Variants in FBXL17 observed in about 807,000 individuals in gnomAD.
FBXL17 encodes the protein F-box/LRR-repeat protein 17.
FBXL17 carries 22 observed loss-of-function variants against 66.2 expected under a neutral mutation model. The ratio of observed to expected loss-of-function variants is 0.33; its 90% CI spans 0.24 to 0.47. The LOEUF (loss-of-function observed/expected upper bound fraction) is 0.47. Ranked by LOEUF, FBXL17 falls within the 20% of genes least tolerant of loss-of-function variation. FBXL17 has a pLI of 1.00. For synonymous variants in FBXL17, 474 were observed against 400.5 expected (o/e 1.18, Z -2.19); for missense variants, 878 against 948.2 (o/e 0.93, Z 0.97).
At chr5:107,868,676 C>T (rs192359909) in intron 8 of FBXL17, among the ~76,000 whole-genome samples, 4 of 152,334 alleles carry the variant, frequency 2.6e-5, no homozygotes, top group African/African-American at 4.8e-5. Flanking sequence ...CCACCAACAG[C>T]GAAGCCCAAG....
chr5:108,190,063 T>C (rs1052962389), intron 5 of FBXL17, among the ~76,000 whole-genome samples: 18 of 152,202 alleles, frequency 1.2e-4, no homozygotes, highest in African/African-American at 4.1e-4. Flanking sequence ...ATGATAAATG[T>C]ACATTGTTTT....
At chr5:108,307,700 T>C (rs905459118) in intron 4 of FBXL17, among the ~76,000 whole-genome samples, 6 of 152,124 alleles carry the variant, frequency 3.9e-5, no homozygotes, top group African/African-American at 1.4e-4. Flanking sequence ...CAAAGGTACT[T>C]TGCTGCTATG....
At chr5:108,078,157 C>A (rs898250649) in intron 6 of FBXL17, among the ~76,000 whole-genome samples, 4 of 152,150 alleles carry the variant, frequency 2.6e-5, no homozygotes, top group African/African-American at 9.7e-5. Context: ...CAGGCCTCGC[C>A]CATCTGCAAT....
chr5:107,975,494 G>GT (rs1752540335), intron 7 of FBXL17, among the ~76,000 whole-genome samples: 1 of 152,032 alleles, frequency 6.6e-6, no homozygotes, highest in Non-Finnish European at 1.5e-5. Flanking sequence ...TCTGATATTT[G>GT]TTTTTTATTC....
intron 5 of FBXL17, among the ~76,000 whole-genome samples, chr5:108,204,379 A>T (rs922051549): frequency 6.6e-6 from 1 of 151,928 alleles, no homozygotes; most frequent in Non-Finnish European, 1.5e-5. Flanking sequence ...GATGGGTCTT[A>T]CTATATTAAT....
chr5:107,980,664 A>ATATATATATATATATTTT, intron 7 of FBXL17, among the ~76,000 whole-genome samples: 14 of 62,072 alleles, frequency 2.3e-4, no homozygotes, highest in East Asian at 1.1e-3. Flanking sequence ...ATATATATAT[A>ATATATATATATATATTTT]TTTTTTTTTT....
intron 4 of FBXL17, among the ~76,000 whole-genome samples, chr5:108,237,463 G>C (rs76811614): frequency 0.016 from 2,371 of 152,264 alleles, 69 homozygotes; most frequent in African/African-American, 0.053. Flanking sequence ...TTTGAAGAGA[G>C]AACAAGATTA....
At chr5:108,196,276 G>A (rs979980396) in intron 5 of FBXL17, among the ~76,000 whole-genome samples, 1 of 151,816 alleles carries the variant, frequency 6.6e-6, no homozygotes, top group Admixed American at 6.6e-5. Flanking sequence ...CCCAGGCCAT[G>A]TGAGGCAGTT....
intron 2 of FBXL17, among the ~76,000 whole-genome samples, chr5:108,365,415 G>A (rs937287679): frequency 1.8e-4 from 28 of 152,066 alleles, no homozygotes; most frequent in African/African-American, 6.8e-4. Flanking sequence ...GGAGAGGAAG[G>A]AAGCTGGAGA....
intron 8 of FBXL17, chr5:107,878,427 C>T (rs74553024): frequency 8.1e-6 from 5 of 614,810 alleles, no homozygotes; most frequent in Non-Finnish European, 1.0e-5. Flanking sequence ...AACTCATTCA[C>T]ATGCTCACAA....
intron 5 of FBXL17, among the ~76,000 whole-genome samples, chr5:108,217,656 T>C (rs1754665086): frequency 6.7e-6 from 1 of 150,364 alleles, no homozygotes. Flanking sequence ...GTACTATATG[T>C]ACTATGTACT....
intron 6 of FBXL17, among the ~76,000 whole-genome samples, chr5:108,177,153 A>T (rs1346026348): frequency 6.6e-6 from 1 of 152,242 alleles, no homozygotes; most frequent in Non-Finnish European, 1.5e-5. Flanking sequence ...GTGCATCATT[A>T]TAAGTTAAAT....
At chr5:108,303,390 A>C (rs888934813) in intron 4 of FBXL17, among the ~76,000 whole-genome samples, 2 of 148,714 alleles carry the variant, frequency 1.3e-5, no homozygotes, top group African/African-American at 2.4e-5. Flanking sequence ...ACACACACAC[A>C]CACACATACC....
At chr5:107,918,041 C>T (rs931654438) in intron 7 of FBXL17, among the ~76,000 whole-genome samples, 19 of 152,140 alleles carry the variant, frequency 1.2e-4, no homozygotes, top group African/African-American at 4.1e-4. Context: ...AGGTCTCCTT[C>T]TACCTTCCAC....
intron 7 of FBXL17, among the ~76,000 whole-genome samples, chr5:107,935,840 T>C (rs1447203902): frequency 6.6e-6 from 1 of 152,042 alleles, no homozygotes; most frequent in African/African-American, 2.4e-5. Context: ...GAAGCAAAGA[T>C]TGTATCACCA....
At chr5:108,291,018 A>G (rs1758090818) in intron 4 of FBXL17, among the ~76,000 whole-genome samples, 1 of 152,198 alleles carries the variant, frequency 6.6e-6, no homozygotes, top group Non-Finnish European at 1.5e-5. Flanking sequence ...AACGCCATCT[A>G]AAATAATTAA....
chr5:108,051,064 A>G (rs1747454370), intron 6 of FBXL17, among the ~76,000 whole-genome samples: 1 of 152,222 alleles, frequency 6.6e-6, no homozygotes, highest in East Asian at 1.9e-4. Context: ...GAATAGACCA[A>G]TAACAAGTTT....
chr5:108,119,208 G>A (rs1164768138), intron 6 of FBXL17, among the ~76,000 whole-genome samples: 2 of 152,178 alleles, frequency 1.3e-5, no homozygotes, highest in Non-Finnish European at 2.9e-5. Flanking sequence ...TCAGGGTGAG[G>A]ACTGCACAGG....
intron 7 of FBXL17, among the ~76,000 whole-genome samples, chr5:107,963,391 C>T (rs1751994140): frequency 6.6e-6 from 1 of 151,950 alleles, no homozygotes; most frequent in Non-Finnish European, 1.5e-5. Flanking sequence ...TATAATAAGT[C>T]CTATAAAATA....
Sources: allele counts gnomAD v4.1 joint callset (sites outside exome capture counted in the v4.1 genomes callset), GRCh38; gene constraint gnomAD v4.1.1; transcripts MANE v1.5; gene names NCBI Gene and HGNC (gene_info 2026-07-23, HGNC 2026-07-21).